The following COTL1 variants were observed in gnomAD, a reference collection of about 807,000 sequenced individuals.
COTL1 encodes the protein coactosin-like protein.
A neutral mutation model predicts 16.5 loss-of-function variants in COTL1; 15 were observed. That is an observed-to-expected ratio of 0.91 (90% confidence interval 0.61 to 1.40). The LOEUF is 1.40. Ranked by LOEUF, COTL1 falls within the 40% of genes most tolerant of loss-of-function variation. The probability of loss-of-function intolerance (pLI) is 0.00; values close to 1 mark genes in which losing one functional copy is unlikely to be tolerated. For synonymous variants in COTL1, 112 were observed against 85.3 expected (o/e 1.31, Z -1.73); for missense variants, 220 against 201.5 (o/e 1.09, Z -0.56).
chr16:84,570,602 T>G (rs1904322400), intron 3 of COTL1, among the ~76,000 whole-genome samples: 1 of 151,994 alleles, frequency 6.6e-6, no homozygotes, highest in South Asian at 2.1e-4. Context: ...AACCATATGA[T>G]CTCTGAAAAC....
rs146053531 is a variant in COTL1, at chr16:84,590,183, C to A, written c.240G>T (p.Thr80=). ...GCCCGCTGACGTTCTCACCGATCCACGTGATGAGGGCAAACTTGGACCTCT... is the reference window on the plus strand; with the variant it reads ...GCCCGCTGACGTTCTCACCGATCCAAGTGATGAGGGCAAACTTGGACCTCT... The part of the protein sequence containing the change: ...MSKRSKFALI[T]WIGENVSGLQ... Residue 80 remains threonine (T), a synonymous_variant, in exon 3 of 4, where the codon ACG becomes ACT. Transcript: ENST00000262428. This position sits in a 1 kb window ranked among gnomAD's most constrained non-coding sequence, Gnocchi z 5.5. 6.2e-7 allele frequency: 1 copy of A among 1,614,078 alleles called. No individual in the cohort carries two copies. Among genetic ancestry groups the A allele is most frequent in the Non-Finnish European group, 8.5e-7 (1 of 1,180,038 alleles).
chr16:84,604,857 T>C (rs1188364122), intron 2 of COTL1, among the ~76,000 whole-genome samples: 2 of 152,216 alleles, frequency 1.3e-5, no homozygotes, highest in Non-Finnish European at 2.9e-5. Flanking sequence ...TTGCAAGCCA[T>C]GAACAATACA....
At chr16:84,612,830 C>T (rs180972587) in intron 2 of COTL1, among the ~76,000 whole-genome samples, 1 of 152,258 alleles carries the variant, frequency 6.6e-6, no homozygotes, top group East Asian at 1.9e-4. Context: ...AGGTGCATTA[C>T]TTCAGTGAAC....
intron 2 of COTL1, among the ~76,000 whole-genome samples, chr16:84,611,932 C>T (rs900343796): frequency 2.6e-5 from 4 of 152,108 alleles, no homozygotes; most frequent in Non-Finnish European, 5.9e-5. Context: ...TGGCCCCTTT[C>T]CCTCCACCTC....
intron 2 of COTL1, among the ~76,000 whole-genome samples, chr16:84,603,419 G>A (rs1052556996): frequency 2.0e-5 from 3 of 152,110 alleles, no homozygotes; most frequent in Admixed American, 6.5e-5. Context: ...ACAACACGGC[G>A]TCACAGCTCT....
At chr16:84,568,473 G>C (rs563059408) in intron 3 of COTL1, 2 of 152,364 alleles carry the variant, frequency 1.3e-5, no homozygotes, top group South Asian at 4.1e-4. Context: ...GCCACAGAGA[G>C]GAATGAAGCG....
At chr16:84,601,729 C>T (rs888090813) in intron 2 of COTL1, among the ~76,000 whole-genome samples, 1 of 152,232 alleles carries the variant, frequency 6.6e-6, no homozygotes, top group African/African-American at 2.4e-5. Flanking sequence ...GCTGGGACTA[C>T]AGGCATAAGC....
At chr16:84,608,008 A>T (rs1259722686) in intron 2 of COTL1, among the ~76,000 whole-genome samples, 1 of 152,210 alleles carries the variant, frequency 6.6e-6, no homozygotes, top group Admixed American at 6.5e-5. Flanking sequence ...GCAGAAGCAC[A>T]AGCGAGGGGG....
chr16:84,598,656 A>AC (rs1350223450), intron 2 of COTL1, among the ~76,000 whole-genome samples: 96 of 46,968 alleles, frequency 2.0e-3, no homozygotes, highest in South Asian at 0.013. Flanking sequence ...TCTCCCCCCC[A>AC]ACCCCCCCCA....
At chr16:84,586,788 G>T (rs980351793) in intron 3 of COTL1, among the ~76,000 whole-genome samples, 3 of 151,812 alleles carry the variant, frequency 2.0e-5, no homozygotes, top group African/African-American at 7.3e-5. Context: ...GGTTTGTGTT[G>T]GCATGTTCGC....
chr16:84,579,466 T>C (rs1223628924), intron 3 of COTL1, among the ~76,000 whole-genome samples: 1 of 152,220 alleles, frequency 6.6e-6, no homozygotes, highest in Non-Finnish European at 1.5e-5. Context: ...CAAGCCTCGG[T>C]GACAAGATCA....
intron 2 of COTL1, among the ~76,000 whole-genome samples, chr16:84,603,039 G>C (rs979758894): frequency 1.3e-5 from 2 of 152,136 alleles, no homozygotes; most frequent in Admixed American, 1.3e-4. Context: ...TGGAGACCAG[G>C]GTTCAGGTCC....
chr16:84,573,704 C>A (rs1567530886), intron 3 of COTL1, among the ~76,000 whole-genome samples: 3 of 150,688 alleles, frequency 2.0e-5, no homozygotes, highest in African/African-American at 4.9e-5. Context: ...CGCACCATTG[C>A]ACTCCAGCCT....
intron 2 of COTL1, among the ~76,000 whole-genome samples, chr16:84,593,589 G>A (rs1373850949): frequency 1.3e-5 from 2 of 150,882 alleles, no homozygotes; most frequent in African/African-American, 4.9e-5. Flanking sequence ...TCGGCTCACT[G>A]CAAGCTCCGC....
At chr16:84,614,445 AATG>A (rs1421472965) in intron 2 of COTL1, among the ~76,000 whole-genome samples, 3 of 151,878 alleles carry the variant, frequency 2.0e-5, no homozygotes, top group Non-Finnish European at 2.9e-5. Context: ...GCTGGGAAGA[AATG>A]AGGAGGGGAG....
Position 84,617,851 on chromosome 16 carries a change from A to C in COTL1, c.64T>G (p.Ser22Ala), listed in dbSNP as rs1905539864. 6.4e-7 allele frequency: 1 copy of C among 1,573,744 alleles called. No homozygotes were observed. Among genetic ancestry groups the C allele is most frequent in the Non-Finnish European group, 8.6e-7 (1 of 1,160,974 alleles). Residue 22 changes from serine to alanine, a missense_variant, in exon 1 of 4, where the codon TCG becomes GCG. Physicochemically the swap from Ser to Ala is moderately conservative, Grantham distance 99 (BLOSUM62 1). Coordinates refer to ENST00000262428, the MANE Select transcript of COTL1 (RefSeq NM_021149.5). ...AAYNLVRDDG[S>A]AVIWVTFKYD... The stretch of plus-strand genomic sequence containing the variant: ...AAAAGTTCCTACCAGATGACGGCCG[A>C]GCCGTCGTCGCGCACCAGGTTGTAC...
At chr16:84,614,628 G>A (rs116742580) in intron 2 of COTL1, among the ~76,000 whole-genome samples, 3 of 152,114 alleles carry the variant, frequency 2.0e-5, no homozygotes, top group Non-Finnish European at 4.4e-5. Context: ...ACACCCTGAG[G>A]TTATAAGGAA....
intron 2 of COTL1, among the ~76,000 whole-genome samples, chr16:84,614,062 G>C (rs527917076): frequency 6.6e-6 from 1 of 152,360 alleles, no homozygotes; most frequent in Admixed American, 6.5e-5. Context: ...CTAGGAGGAG[G>C]AGGAGAGGCT....
At chr16:84,577,007 C>T (rs1285556399) in intron 3 of COTL1, 1 of 152,236 alleles carries the variant, frequency 6.6e-6, no homozygotes, top group Non-Finnish European at 1.5e-5. Context: ...GAAATACAGC[C>T]ACAGTCCCCA....
Sources: allele counts gnomAD v4.1 joint callset (sites outside exome capture counted in the v4.1 genomes callset), GRCh38; gene constraint gnomAD v4.1.1; non-coding constraint Gnocchi (gnomAD v3.1); transcripts MANE v1.5; gene names NCBI Gene and HGNC (gene_info 2026-07-23, HGNC 2026-07-21).